CELF2: variants seen among roughly 807,000 people sequenced by gnomAD.
CELF2 encodes the protein CUG triplet repeat RNA-binding protein 2.
Under a neutral mutation model 62.6 loss-of-function variants are expected in CELF2, and 8 were observed. The ratio of observed to expected loss-of-function variants is 0.13; its 90% confidence interval spans 0.07 to 0.23. The LOEUF is 0.23. Among genes scored for constraint, CELF2 ranks in the 10% least tolerant of loss-of-function variants. CELF2 has a pLI of 1.00. For synonymous variants in CELF2, 258 were observed against 250.0 expected (o/e 1.03, Z -0.30); for missense variants, 333 against 671.0 (o/e 0.50, Z 5.56).
chr10:11,248,215 T>C (rs1225099268), intron 3 of CELF2, among the ~76,000 whole-genome samples: 4 of 152,154 alleles, frequency 2.6e-5, no homozygotes, highest in African/African-American at 7.2e-5. Flanking sequence ...TGGAGGTGGT[T>C]TGAGGAATTG....
chr10:11,082,017 C>G (rs530803418), intron 1 of CELF2, among the ~76,000 whole-genome samples: 53 of 152,302 alleles, frequency 3.5e-4, no homozygotes, highest in South Asian at 1.0e-3. Flanking sequence ...TTGCCTGTCA[C>G]TTTGGCCAGT....
intron 9 of CELF2, among the ~76,000 whole-genome samples, chr10:11,307,603 G>A (rs1254680923): frequency 6.6e-6 from 1 of 152,130 alleles, no homozygotes; most frequent in African/African-American, 2.4e-5. Flanking sequence ...ATAACCCGGT[G>A]AATTCAGTGC....
chr10:10,718,914 G>A, the CELF2 span, among the ~76,000 whole-genome samples: 1 of 151,310 alleles, frequency 6.6e-6, no homozygotes, highest in Non-Finnish European at 1.5e-5. Context: ...TATTTCCATT[G>A]ATTGTAAGAA....
the CELF2 span, among the ~76,000 whole-genome samples, chr10:10,702,705 C>T: frequency 6.6e-6 from 1 of 152,278 alleles, no homozygotes; most frequent in African/African-American, 2.4e-5. Context: ...CTGCCTCAGC[C>T]TCCTGAGTAG....
intron 1 of CELF2, among the ~76,000 whole-genome samples, chr10:11,094,481 GGT>G (rs2049210093): frequency 6.6e-6 from 1 of 152,068 alleles, no homozygotes; most frequent in African/African-American, 2.4e-5. Context: ...TAGTAAATCA[GGT>G]GACTTGAAAT....
At chr10:11,284,554 TGGAC>T (rs2090497858) in intron 8 of CELF2, among the ~76,000 whole-genome samples, 1 of 131,776 alleles carries the variant, frequency 7.6e-6, no homozygotes, top group South Asian at 2.5e-4. Flanking sequence ...GGGAGCATGA[TGGAC>T]GGAGGGGTGG....
the CELF2 span, among the ~76,000 whole-genome samples, chr10:10,686,961 G>A: frequency 1.3e-5 from 2 of 152,122 alleles, no homozygotes; most frequent in Non-Finnish European, 1.5e-5. Context: ...ATCTTACATA[G>A]TGGTTTTCCT....
intron 1 of CELF2, among the ~76,000 whole-genome samples, chr10:11,123,048 A>C (rs2058061830): frequency 6.6e-6 from 1 of 151,936 alleles, no homozygotes; most frequent in South Asian, 2.1e-4. Context: ...AATAAGGGCA[A>C]ATACATTGTA....
chr10:10,499,216 G>A, the CELF2 span, among the ~76,000 whole-genome samples: 1 of 151,774 alleles, frequency 6.6e-6, no homozygotes, highest in Non-Finnish European at 1.5e-5. Flanking sequence ...ACAGACATGT[G>A]CCACCTGCCT....
At chr10:10,768,025 G>A in the CELF2 span, among the ~76,000 whole-genome samples, 2 of 140,468 alleles carry the variant, frequency 1.4e-5, no homozygotes, top group East Asian at 2.1e-4. Flanking sequence ...AATTAGCCAG[G>A]CGTGGTGACG....
At chr10:10,691,239 G>A in the CELF2 span, among the ~76,000 whole-genome samples, 3 of 150,950 alleles carry the variant, frequency 2.0e-5, no homozygotes, top group Non-Finnish European at 4.4e-5. Context: ...TCCCACCTAT[G>A]AGTGAGAATA....
At chr10:10,650,625 G>C in the CELF2 span, among the ~76,000 whole-genome samples, 1 of 152,196 alleles carries the variant, frequency 6.6e-6, no homozygotes, top group Non-Finnish European at 1.5e-5. Flanking sequence ...ACTGCAATGA[G>C]ATACAACTTC....
At chr10:10,666,723 G>A in the CELF2 span, among the ~76,000 whole-genome samples, 1 of 123,328 alleles carries the variant, frequency 8.1e-6, no homozygotes, top group Non-Finnish European at 1.7e-5. Flanking sequence ...TTAGCCGGGC[G>A]TGGTAGCGGG....
chr10:10,798,886 A>C (rs6602453), intron 1 of CELF2: 276,455 of 398,506 alleles, frequency 0.69, 96,689 homozygotes, highest in East Asian at 0.81. Context: ...CCCGCCCCAC[A>C]CCTGTGCAGA....
chr10:10,701,509 G>T, the CELF2 span, among the ~76,000 whole-genome samples: 1 of 152,106 alleles, frequency 6.6e-6, no homozygotes, highest in South Asian at 2.1e-4. Context: ...CTGTCACAGC[G>T]TCCAAATTAG....
At chr10:11,263,287 A>AG (rs2081259096) in intron 5 of CELF2, among the ~76,000 whole-genome samples, 1 of 152,100 alleles carries the variant, frequency 6.6e-6, no homozygotes, top group Non-Finnish European at 1.5e-5. Context: ...ATAATTGCAA[A>AG]GGTAAATTGC....
the CELF2 span, among the ~76,000 whole-genome samples, chr10:10,789,489 A>C: frequency 6.6e-6 from 1 of 152,206 alleles, no homozygotes; most frequent in Non-Finnish European, 1.5e-5. Context: ...AAACTTTTAG[A>C]AATAAAAATC....
chr10:11,148,843 A>AACACACACACAC (rs58567770), intron 1 of CELF2, among the ~76,000 whole-genome samples: 2,542 of 146,882 alleles, frequency 0.017, 24 homozygotes, highest in Admixed American at 0.029. Flanking sequence ...TCTTAAACCA[A>AACACACACACAC]ACACACACAC....
the CELF2 span, among the ~76,000 whole-genome samples, chr10:10,674,307 T>G: frequency 6.6e-6 from 1 of 152,224 alleles, no homozygotes; most frequent in Non-Finnish European, 1.5e-5. Context: ...TCCTTTGAAG[T>G]CTGTTCTTTT....
Sources: allele counts gnomAD v4.1 joint callset (sites outside exome capture counted in the v4.1 genomes callset), GRCh38; gene constraint gnomAD v4.1.1; transcripts MANE v1.5; gene names NCBI Gene and HGNC (gene_info 2026-07-23, HGNC 2026-07-21).